The following XPO5 variants were observed in gnomAD, a reference collection of about 807,000 sequenced individuals.
The protein encoded by XPO5 is exportin-5.
Under a neutral mutation model 160.6 loss-of-function variants are expected in XPO5, and 46 were observed. That is an observed-to-expected ratio of 0.29 (90% CI 0.23 to 0.37). The LOEUF is 0.37. XPO5 is among the 10% of genes least tolerant of loss of function. The probability of loss-of-function intolerance (pLI) is 1.00; values close to 1 mark genes in which losing one functional copy is unlikely to be tolerated. For synonymous variants in XPO5, 537 were observed against 519.3 expected, an observed-to-expected ratio of 1.03 and a Z score of -0.46; for missense variants, 1,090 against 1,463.9, an observed-to-expected ratio of 0.74 and a Z score of 4.17.
At chr6:43,547,534 A>G in intron 19 of XPO5, 74 bp downstream of exon 19, 1 of 1,407,710 alleles carries the variant, frequency 7.1e-7, no homozygotes, top group African/African-American at 1.4e-5. Context: ...CAAATCTATG[A>G]GAAACTTGAC....
At chr6:43,526,179 T>C (rs1320590414) in intron 27 of XPO5, 1 of 483,742 alleles carries the variant, frequency 2.1e-6, no homozygotes, top group Non-Finnish European at 3.7e-6. Context: ...GAAGTTACTT[T>C]GTTGTTGGAC....
chr6:43,566,811 TAAA>T (rs56147929), intron 7 of XPO5, among the ~76,000 whole-genome samples: 23 of 101,652 alleles, frequency 2.3e-4, no homozygotes, highest in Non-Finnish European at 2.6e-4. Context: ...CTGTTTCAAT[TAAA>T]AAAAAAAAAA....
chr6:43,537,655 A>G (rs1007043011), intron 20 of XPO5, among the ~76,000 whole-genome samples: 1 of 152,240 alleles, frequency 6.6e-6, no homozygotes, highest in Non-Finnish European at 1.5e-5. Flanking sequence ...GTGTAACAAA[A>G]TAACAAAAAT....
chr6:43,569,313 A>C (rs1193221114), intron 5 of XPO5, among the ~76,000 whole-genome samples: 1 of 151,780 alleles, frequency 6.6e-6, no homozygotes, highest in African/African-American at 2.4e-5. Flanking sequence ...AAACAACAAA[A>C]AAAAATACAT....
chr6:43,527,980 TCA>T (rs745664595), intron 25 of XPO5, among the ~76,000 whole-genome samples, 177 bp downstream of exon 25: 1 of 152,216 alleles, frequency 6.6e-6, no homozygotes, highest in Non-Finnish European at 1.5e-5. Flanking sequence ...AGGCTGGATC[TCA>T]GAGTCTGCCT....
At chr6:43,538,324 A>C (rs2127717633) in intron 20 of XPO5, among the ~76,000 whole-genome samples, 1 of 151,196 alleles carries the variant, frequency 6.6e-6, no homozygotes, top group East Asian at 2.0e-4. Flanking sequence ...TACTTTTTTA[A>C]ATTTTTAGTA....
Position 43,533,201 on chromosome 6 carries a change from T to A in XPO5, c.2443+706A>T, listed in dbSNP as rs1419278195. 2.1e-5 allele frequency among the ~76,000 whole-genome samples: 3 copies of A among 140,586 alleles called. No individual in the cohort carries two copies. The South Asian group carries it at 6.8e-4, about 32-fold the overall frequency. 92.2% of individuals were successfully genotyped at this position (140,586 alleles called of 152,430 possible). On this transcript the variant is annotated intron_variant, in intron 21 of 31. Coordinates refer to ENST00000265351, the MANE Select transcript of XPO5 (RefSeq NM_020750.3). ...CTTAAAATCTATTCCTTTAAAAACT[T>A]TGATACCTATCTACACACACACACA...
chr6:43,549,472 A>T lies in XPO5; in HGVS notation c.1860+17T>A. Reference sequence around the variant, plus strand: ...GTAACCAAACTTGGCTACTTCAGCCAGGGTCCAGCAGCTTACCAGCACAAG... The same window carrying T: ...GTAACCAAACTTGGCTACTTCAGCCTGGGTCCAGCAGCTTACCAGCACAAG... On this transcript the variant is annotated intron_variant, in intron 17 of 31. Transcript: ENST00000265351. The T allele has an allele frequency of 6.3e-7, 1 of 1,584,502 alleles. No homozygotes were observed. The highest frequency in any genetic ancestry group is 1.9e-5 in the Admixed American group (1 of 53,714).
At chr6:43,530,530 G>T in intron 23 of XPO5, 158 bp downstream of exon 23, 1 of 868,082 alleles carries the variant, frequency 1.2e-6, no homozygotes, top group Non-Finnish European at 1.7e-6. Flanking sequence ...TGTTTTCCCT[G>T]CAATCTGCCA....
chr6:43,535,820 A>C (rs1794282423), intron 20 of XPO5, among the ~76,000 whole-genome samples: 1 of 144,586 alleles, frequency 6.9e-6, no homozygotes, highest in South Asian at 2.2e-4. Flanking sequence ...TCTCAAAAAA[A>C]AAAAAAAAAA....
intron 11 of XPO5, 56 bp downstream of exon 11, chr6:43,560,120 CAA>C: frequency 1.3e-6 from 2 of 1,571,230 alleles, no homozygotes; most frequent in South Asian, 1.2e-5. Flanking sequence ...CACCCAGCCT[CAA>C]AGTCTTATTA....
At chr6:43,532,743 C>CA (rs1218844230) in intron 21 of XPO5, among the ~76,000 whole-genome samples, 8 of 152,208 alleles carry the variant, frequency 5.3e-5, no homozygotes, top group African/African-American at 1.4e-4. Flanking sequence ...GATAAACACT[C>CA]AGAGCCCTGC....
chr6:43,525,910 T>C lies in XPO5; in HGVS notation c.2995A>G (p.Met999Val). ...GCTGAGGGGGTGACCTCTGTGGCCA[T>C]CATTTCTTCATCTGTTATCAGAGAG... ...PPADGDDEEM[M>V]ATEVTPSAMA... The change falls in exon 28 of 32, where the codon ATG becomes GTG. Residue 999 changes from methionine to valine, a missense_variant. Met to Val is a conservative substitution (Grantham distance 21, BLOSUM62 1). This residue lies in a region of XPO5 where 810 missense variants were observed against 1,139.0 expected (regional missense o/e 0.71). Coordinates refer to ENST00000265351, the MANE Select transcript of XPO5 (RefSeq NM_020750.3). The C allele has an allele frequency of 6.2e-7, 1 of 1,614,004 alleles. No individual in the cohort carries two copies. Among genetic ancestry groups the C allele is most frequent in the Non-Finnish European group, 8.5e-7 (1 of 1,179,878 alleles).
rs769900273 is a variant in XPO5 at position 43,531,462 on chromosome 6, C to G, written c.2540+17G>C. The G allele has an allele frequency of 6.2e-7, 1 of 1,602,424 alleles. No homozygotes were observed. ...TATCGAGGAAGAAAATATGGAGAGGCAGCATTGGTTCCTTACCAGTTTTCA... is the reference window on the plus strand; with the variant it reads ...TATCGAGGAAGAAAATATGGAGAGGGAGCATTGGTTCCTTACCAGTTTTCA... On this transcript the variant is annotated intron_variant, in intron 22 of 31. Coordinates refer to ENST00000265351, the MANE Select transcript of XPO5 (RefSeq NM_020750.3).
intron 20 of XPO5, chr6:43,539,603 C>T (rs561577718): frequency 3.1e-5 from 43 of 1,382,758 alleles, no homozygotes; most frequent in Admixed American, 2.4e-4. Context: ...ACCCCGGCCC[C>T]GGATGCCACT....
rs1211755851 is a variant in XPO5, at chr6:43,526,305, A to G, written c.2983+380T>C. ...CATGGGAGATAGGTAAGAAAGGAAT[A>G]CATAAATAAAAACATAATGTTGGGT... On this transcript the variant is annotated intron_variant, in intron 27 of 31. Transcript: ENST00000265351. 1.6e-5 allele frequency: 6 copies of G among 363,872 alleles called. No homozygotes were observed. In the East Asian group the frequency reaches 3.1e-4, roughly 19 times the overall value. The allele number at this position is 363,872 out of a possible 1,614,324, so 22.5% of individuals were successfully genotyped here.
At chr6:43,561,664 C>CCATT (rs1284663624) in intron 9 of XPO5, 10 of 153,400 alleles carry the variant, frequency 6.5e-5, no homozygotes, top group Admixed American at 6.5e-4. Context: ...CAGGCATGAG[C>CCATT]CATTGCACCT....
chr6:43,549,440 C>T (rs1355513170), intron 17 of XPO5, 49 bp downstream of exon 17: 2 of 1,539,338 alleles, frequency 1.3e-6, no homozygotes, highest in Admixed American at 2.1e-5. Flanking sequence ...TGGATTTACA[C>T]ACAAATGTAA....
At chr6:43,573,256 G>T in intron 2 of XPO5, 1 of 483,552 alleles carries the variant, frequency 2.1e-6, no homozygotes, top group Non-Finnish European at 3.5e-6. Flanking sequence ...TTTGTTGAAT[G>T]GGTAATATGT....
Sources: gnomAD v4.1 joint callset for allele counts (sites outside exome capture counted in the v4.1 genomes callset) on GRCh38, gnomAD v4.1.1 for gene constraint, gnomAD v4.1.1 regional missense constraint, MANE v1.5 for transcripts, NCBI Gene and HGNC (gene_info 2026-07-23, HGNC 2026-07-21) for gene names.